NOTCH2: variants seen among roughly 807,000 people sequenced by gnomAD.
NOTCH2 encodes neurogenic locus notch homolog protein 2.
A neutral mutation model predicts 235.8 loss-of-function variants in NOTCH2; 29 were observed. That is an observed-to-expected ratio of 0.12 (90% CI 0.09 to 0.17). The LOEUF is 0.17. Among genes scored for constraint, NOTCH2 ranks in the 10% least tolerant of loss-of-function variants. The pLI, the probability that NOTCH2 is intolerant of heterozygous loss-of-function variation, is 1.00. For synonymous variants in NOTCH2, 1,086 were observed against 1,141.5 expected (o/e 0.95, Z 0.98); for missense variants, 2,285 against 3,150.2 (o/e 0.73, Z 6.57).
At chr1:119,957,883 CAA>C (rs1179452522) in intron 12 of NOTCH2, among the ~76,000 whole-genome samples, 3 of 143,536 alleles carry the variant, frequency 2.1e-5, no homozygotes, top group Non-Finnish European at 3.0e-5. Flanking sequence ...CACACACACA[CAA>C]CAGGCCCCTA....
chr1:120,004,179 T>A (rs1485251230), intron 3 of NOTCH2, among the ~76,000 whole-genome samples: 1 of 151,938 alleles, frequency 6.6e-6, no homozygotes, highest in Admixed American at 6.6e-5. Flanking sequence ...AGGTGAGAGA[T>A]AACATGGCCC....
chr1:119,923,890 C>A lies in NOTCH2; in HGVS notation c.4606G>T (p.Ala1536Ser). 6.2e-7 allele frequency: 1 copy of A among 1,614,158 alleles called. No homozygotes were observed. The highest frequency in any genetic ancestry group is 8.5e-7 in the Non-Finnish European group (1 of 1,180,036). ...ECGWDGLDCAADQPENLAEGT... is the reference protein window; with the variant it reads ...ECGWDGLDCASDQPENLAEGT... Reference sequence around the variant, plus strand: ...TCTGCCAGGTTCTCAGGTTGGTCAGCAGCACAGTCCAGCCCATCCCAACCA... The same window carrying A: ...TCTGCCAGGTTCTCAGGTTGGTCAGAAGCACAGTCCAGCCCATCCCAACCA... The change falls in exon 26 of 34, where the codon GCT (alanine) becomes TCT (serine). Residue 1536 changes from alanine (A) to serine (S), a missense_variant. Ala to Ser is a moderately conservative substitution (Grantham distance 99, BLOSUM62 1). Coordinates refer to ENST00000256646, the MANE Select transcript of NOTCH2 (RefSeq NM_024408.4).
chr1:119,919,659 A>G, intron 30 of NOTCH2, 46 bp from the exon 31 acceptor site: 1 of 1,579,528 alleles, frequency 6.3e-7, no homozygotes. Flanking sequence ...AGGAGAAGGT[A>G]GTTAACCCTA....
intron 3 of NOTCH2, among the ~76,000 whole-genome samples, chr1:120,002,425 C>A (rs1363623042): frequency 1.3e-5 from 2 of 151,494 alleles, no homozygotes; most frequent in East Asian, 1.9e-4. Context: ...CTTAGTATTA[C>A]CATGCCCTGT....
intron 2 of NOTCH2, among the ~76,000 whole-genome samples, chr1:120,017,808 TAC>T (rs1231284059): frequency 6.7e-6 from 1 of 149,880 alleles, no homozygotes; most frequent in Non-Finnish European, 1.5e-5. Context: ...TGTGCAGACA[TAC>T]ACACACACAG....
chr1:119,958,455 C>A (rs1650796542), intron 12 of NOTCH2, among the ~76,000 whole-genome samples: 1 of 152,218 alleles, frequency 6.6e-6, no homozygotes. Flanking sequence ...CAGACTCTAT[C>A]AAAAACTCTG....
intron 25 of NOTCH2, 84 bp from the exon 26 acceptor site, chr1:119,924,068 G>A (rs1184636826): frequency 8.3e-7 from 1 of 1,204,642 alleles, no homozygotes; most frequent in Admixed American, 1.9e-5. Flanking sequence ...AACTACTGTG[G>A]ATTTTCCTAC....
At chr1:119,931,101 TTA>T (rs1557809297) in intron 22 of NOTCH2, among the ~76,000 whole-genome samples, 2 of 138,292 alleles carry the variant, frequency 1.4e-5, no homozygotes, top group Admixed American at 7.1e-5. Flanking sequence ...AGACTCTGTC[TTA>T]AAAAAAAAAA....
At chr1:120,026,988 G>T (rs1653879586) in intron 2 of NOTCH2, among the ~76,000 whole-genome samples, 1 of 129,112 alleles carries the variant, frequency 7.7e-6, no homozygotes, top group South Asian at 2.7e-4. Context: ...GTCTCGCTCT[G>T]TCGCTCAGGC....
intron 17 of NOTCH2, among the ~76,000 whole-genome samples, chr1:119,947,926 A>T (rs773218863): frequency 6.6e-5 from 10 of 152,212 alleles, no homozygotes; most frequent in Non-Finnish European, 1.5e-4. Flanking sequence ...AAATGATAAA[A>T]TCTGCCAACT....
rs748304707 is a variant in NOTCH2 at position 119,914,094 on chromosome 1, C to CTAA, written c.*1209_*1211dup. On this transcript the variant is annotated 3_prime_UTR_variant, in exon 34 of 34. Transcript: ENST00000256646. ...GACAACTGTCACTGGGTCCCTTGGG[C>CTAA]TAAGGAAAGTTCAGTCCTAAATGGC... 8 of 233,126 alleles carry CTAA rather than the reference C, an allele frequency of 3.4e-5. No individual in the cohort carries two copies. The highest frequency in any genetic ancestry group is 5.9e-5 in the Non-Finnish European group (7 of 118,046). The allele number at this position is 233,126 out of a possible 1,614,324, so 14.4% of individuals were successfully genotyped here.
intron 12 of NOTCH2, among the ~76,000 whole-genome samples, chr1:119,958,014 T>C (rs1650773719): frequency 6.6e-6 from 1 of 152,160 alleles, no homozygotes; most frequent in Admixed American, 6.6e-5. Context: ...CTGGGTTTCT[T>C]ATTCTGTAGG....
intron 1 of NOTCH2, among the ~76,000 whole-genome samples, chr1:120,037,679 A>C (rs1284113136): frequency 1.3e-5 from 2 of 151,986 alleles, no homozygotes; most frequent in East Asian, 1.9e-4. Flanking sequence ...AAAGGAAAAA[A>C]AAAAACAAAA....
intron 3 of NOTCH2, among the ~76,000 whole-genome samples, chr1:120,001,548 C>A (rs1327887569): frequency 6.6e-6 from 1 of 152,148 alleles, no homozygotes. Flanking sequence ...AATTTGCCAG[C>A]AGCAGAAACC....
chr1:119,973,215 C>G (rs587681094), intron 5 of NOTCH2, among the ~76,000 whole-genome samples: 2 of 152,178 alleles, frequency 1.3e-5, no homozygotes, highest in East Asian at 3.9e-4. Context: ...ATTCACATTT[C>G]CTCCTAGTCC....
chr1:120,000,644 T>C (rs1248877938), intron 3 of NOTCH2, among the ~76,000 whole-genome samples: 29 of 149,572 alleles, frequency 1.9e-4, no homozygotes, highest in Non-Finnish European at 1.8e-4. Context: ...AGAGTGACAT[T>C]TTAATTATGA....
intron 20 of NOTCH2, among the ~76,000 whole-genome samples, 183 bp downstream of exon 20, chr1:119,937,674 C>T (rs1649907756): frequency 6.6e-6 from 1 of 152,168 alleles, no homozygotes; most frequent in Non-Finnish European, 1.5e-5. Flanking sequence ...CATTCTTCTC[C>T]GAATCTCTGA....
chr1:119,966,766 T>C (rs1474596665), intron 8 of NOTCH2, among the ~76,000 whole-genome samples: 1 of 152,198 alleles, frequency 6.6e-6, no homozygotes, highest in Non-Finnish European at 1.5e-5. Context: ...CCACATTTTC[T>C]GTGATAAATC....
At position 119,918,675 on chromosome 1, in the gene NOTCH2, GTCTTGTTA is replaced by G. The variant is rs921134188; in HGVS notation, c.5782-130_5782-123del. On this transcript the variant is annotated intron_variant, in intron 31 of 33. Transcript: ENST00000256646. ...TGTAGATTCCTGGAGGAGAGGGAAA[GTCTTGTTA>G]TCTTTGTGCCCAAGATTCTATCATG... 5 of 949,196 alleles carry G rather than the reference GTCTTGTTA, an allele frequency of 5.3e-6. No individual in the cohort carries two copies. The African/African-American group carries it at 8.1e-5, about 15-fold the overall frequency. The allele number at this position is 949,196 out of a possible 1,614,324, so 58.8% of individuals were successfully genotyped here. A position where few individuals can be genotyped will look rare whatever the true frequency, so the allele number is the denominator to read the frequency against.
Sources: allele counts gnomAD v4.1 joint callset (sites outside exome capture counted in the v4.1 genomes callset), GRCh38; gene constraint gnomAD v4.1.1; transcripts MANE v1.5; gene names NCBI Gene and HGNC (gene_info 2026-07-23, HGNC 2026-07-21).